SPTLC3: variants seen among roughly 807,000 people sequenced by gnomAD.
SPTLC3 encodes serine palmitoyltransferase long chain base subunit 3, also known as serine palmitoyltransferase 3.
In SPTLC3, 36 loss-of-function variants were observed where a neutral mutation model predicts 59.3. The observed-to-expected ratio is 0.61, with a 90% confidence interval of 0.47 to 0.80. The LOEUF (loss-of-function observed/expected upper bound fraction) is 0.80. Among genes scored for constraint, SPTLC3 ranks in the 30% least tolerant of loss-of-function variants. The pLI, the probability that SPTLC3 is intolerant of heterozygous loss-of-function variation, is 0.00. For missense variants in SPTLC3, 625 were observed against 685.1 expected (o/e 0.91, Z 0.98); for synonymous variants, 257 against 240.8 (o/e 1.07, Z -0.62).
chr20:13,152,034 T>C (rs918255261), intron 9 of SPTLC3, among the ~76,000 whole-genome samples: 7 of 151,126 alleles, frequency 4.6e-5, no homozygotes, highest in Admixed American at 1.3e-4. Flanking sequence ...GAAATGAGAG[T>C]TTTATTGATC....
At chr20:13,035,790 A>G (rs556410118) in intron 1 of SPTLC3, among the ~76,000 whole-genome samples, 11 of 152,170 alleles carry the variant, frequency 7.2e-5, no homozygotes, top group Non-Finnish European at 1.3e-4. Flanking sequence ...AAGCATTTCT[A>G]AACATTTGTA....
intron 4 of SPTLC3, among the ~76,000 whole-genome samples, chr20:13,080,396 TA>T (rs1238313820): frequency 4.6e-5 from 7 of 151,352 alleles, no homozygotes; most frequent in Non-Finnish European, 1.0e-4. Context: ...TACTCCCTGC[TA>T]CTTGGGAGGC....
chr20:13,144,230 A>C (rs1335301750), intron 9 of SPTLC3, among the ~76,000 whole-genome samples: 1 of 152,138 alleles, frequency 6.6e-6, no homozygotes, highest in Non-Finnish European at 1.5e-5. Context: ...CTCTCAGAGC[A>C]CTTCTTTTAT....
intron 1 of SPTLC3, 126 bp downstream of exon 1, chr20:13,009,510 T>C: frequency 1.2e-6 from 1 of 858,362 alleles, no homozygotes; most frequent in South Asian, 1.7e-5. Flanking sequence ...GTTTTGACTG[T>C]TGACTCTGTT....
chr20:13,024,207 A>G (rs1038159923), intron 1 of SPTLC3, among the ~76,000 whole-genome samples: 3 of 152,294 alleles, frequency 2.0e-5, no homozygotes, highest in Middle Eastern at 3.4e-3. Context: ...CTGAGATAAA[A>G]CATATAGTTA....
At chr20:13,148,132 T>C (rs2038558210) in intron 9 of SPTLC3, among the ~76,000 whole-genome samples, 1 of 152,232 alleles carries the variant, frequency 6.6e-6, no homozygotes, top group South Asian at 2.1e-4. Flanking sequence ...TCTGGGCCTC[T>C]GGGAGACTGA....
intron 1 of SPTLC3, among the ~76,000 whole-genome samples, chr20:13,011,735 G>GT (rs35271357): frequency 0.048 from 6,906 of 144,646 alleles, 225 homozygotes; most frequent in Middle Eastern, 0.1. Context: ...TATTTTTCCT[G>GT]TTTTTTTTTT....
At chr20:13,151,603 C>T (rs549516921) in intron 9 of SPTLC3, among the ~76,000 whole-genome samples, 1 of 152,208 alleles carries the variant, frequency 6.6e-6, no homozygotes, top group Non-Finnish European at 1.5e-5. Context: ...CATCCTCCTC[C>T]TTGGTCTGTG....
rs145071947 is a variant in SPTLC3, at chr20:13,035,827, T to C, written c.118-13118T>C. Among the ~76,000 whole-genome samples, 1,179 of 152,292 alleles carry C rather than the reference T, an allele frequency of 7.7e-3. 9 individuals carry two copies. Among genetic ancestry groups the C allele is most frequent in the Non-Finnish European group, 0.011 (726 of 68,020 alleles). ...TTATAAAATACATGTCATAAAGCTA[T>C]TGTTAAAATACTCATTTCTTAAAAT... On this transcript the variant is annotated intron_variant, in intron 1 of 11. Coordinates refer to ENST00000399002, the MANE Select transcript of SPTLC3 (RefSeq NM_018327.4).
intron 9 of SPTLC3, among the ~76,000 whole-genome samples, chr20:13,138,348 A>G (rs1251094073): frequency 6.6e-6 from 1 of 151,956 alleles, no homozygotes; most frequent in East Asian, 1.9e-4. Context: ...TCCCCACAAT[A>G]CACTACCCCC....
chr20:13,051,238 G>A (rs928393134), intron 2 of SPTLC3, among the ~76,000 whole-genome samples: 1 of 151,954 alleles, frequency 6.6e-6, no homozygotes, highest in African/African-American at 2.4e-5. Context: ...TAAAGTAAAC[G>A]GGTGGAAAGA....
chr20:13,064,533 G>A (rs1016321433), intron 2 of SPTLC3, among the ~76,000 whole-genome samples: 3 of 152,138 alleles, frequency 2.0e-5, no homozygotes, highest in South Asian at 2.1e-4. Context: ...GACCTCAAGC[G>A]ATCCGCCTGC....
At chr20:13,061,542 G>A (rs1046125342) in intron 2 of SPTLC3, among the ~76,000 whole-genome samples, 7 of 151,942 alleles carry the variant, frequency 4.6e-5, no homozygotes, top group Non-Finnish European at 8.8e-5. Flanking sequence ...CCAAAACTGT[G>A]GGTTGAGTTT....
At chr20:13,087,584 C>T (rs1989044688) in intron 4 of SPTLC3, among the ~76,000 whole-genome samples, 1 of 152,134 alleles carries the variant, frequency 6.6e-6, no homozygotes, top group African/African-American at 2.4e-5. Context: ...ATCAAAAGGC[C>T]CCATATAACT....
chr20:13,020,355 A>AAAG (rs1985809676), intron 1 of SPTLC3, among the ~76,000 whole-genome samples: 1 of 149,056 alleles, frequency 6.7e-6, no homozygotes. Context: ...CTTAAAAAAA[A>AAAG]AAAAGAAAAA....
intron 4 of SPTLC3, among the ~76,000 whole-genome samples, chr20:13,087,557 C>T (rs1467752047): frequency 6.6e-6 from 1 of 152,166 alleles, no homozygotes; most frequent in Non-Finnish European, 1.5e-5. Flanking sequence ...CTAAGCTCAG[C>T]CCTGTCTTCA....
chr20:13,017,660 G>C (rs908477352), intron 1 of SPTLC3, among the ~76,000 whole-genome samples: 1 of 152,134 alleles, frequency 6.6e-6, no homozygotes, highest in African/African-American at 2.4e-5. Context: ...ATTAGTGTTA[G>C]TGTATTTTAT....
At chr20:13,086,290 T>G (rs1989002943) in intron 4 of SPTLC3, among the ~76,000 whole-genome samples, 2 of 152,278 alleles carry the variant, frequency 1.3e-5, no homozygotes, top group African/African-American at 4.8e-5. Flanking sequence ...CCCCAAGCTC[T>G]TCCTACATTT....
chr20:13,057,697 C>T (rs1234135234), intron 2 of SPTLC3, among the ~76,000 whole-genome samples: 9 of 152,124 alleles, frequency 5.9e-5, no homozygotes, highest in Admixed American at 5.9e-4. Context: ...TAGATCTTAA[C>T]AAAAAGGACA....
Sources: gnomAD v4.1 joint callset for allele counts (sites outside exome capture counted in the v4.1 genomes callset) on GRCh38, gnomAD v4.1.1 for gene constraint, MANE v1.5 for transcripts, NCBI Gene and HGNC (gene_info 2026-07-23, HGNC 2026-07-21) for gene names.